The following ZNF726 variants were observed in gnomAD, a reference collection of about 807,000 sequenced individuals.
ZNF726 encodes the protein zinc finger protein 726.
A neutral mutation model predicts 11.6 loss-of-function variants in ZNF726; 15 were observed. The observed-to-expected ratio is 1.29, with a 90% confidence interval of 0.86 to 1.99. ZNF726 has a LOEUF of 1.99. Ranked by LOEUF, ZNF726 falls within the 30% of genes most tolerant of loss-of-function variation. The pLI is 0.00. For missense variants in ZNF726, 890 were observed against 725.6 expected (o/e 1.23, Z -2.60); for synonymous variants, 295 against 243.6 (o/e 1.21, Z -1.96).
At chr19:23,939,861 GA>G (rs1314406294) in intron 3 of ZNF726, among the ~76,000 whole-genome samples, 1 of 80,142 alleles carries the variant, frequency 1.2e-5, no homozygotes, top group East Asian at 2.8e-4. Context: ...TTTTTGATGG[GA>G]TTTTTTTTTT....
At chr19:23,937,290 C>A (rs1968256985), downstream of ZNF726, among the ~76,000 whole-genome samples, 1 of 151,820 alleles carries the variant, frequency 6.6e-6, no homozygotes, top group African/African-American at 2.4e-5. Context: ...GGGCTGACCC[C>A]CCCACCTCCC....
chr19:23,933,479 T>A lies in ZNF726; in HGVS notation c.1363T>A (p.Cys455Ser), dbSNP rs767742213. 6.2e-7 allele frequency: 1 copy of A among 1,612,240 alleles called. No homozygotes were observed. Among genetic ancestry groups the A allele is most frequent in the East Asian group, 2.2e-5 (1 of 44,792 alleles). Reference protein sequence around the residue: ...KIHTREKPYKCEECSKAFSRS... With the variant: ...KIHTREKPYKSEECSKAFSRS... Reference sequence around the variant, plus strand: ...TCATACTAGAGAGAAACCCTACAAATGTGAAGAATGTAGTAAAGCATTTAG... The same window carrying A: ...TCATACTAGAGAGAAACCCTACAAAAGTGAAGAATGTAGTAAAGCATTTAG... The change falls in exon 4 of 4, where the codon TGT becomes AGT. Residue 455 changes from cysteine to serine, a missense_variant. By Grantham distance (112) the Cys-to-Ser change is moderately radical. Coordinates refer to ENST00000594466, the MANE Select transcript of ZNF726 (RefSeq NM_001244038.2).
At chr19:23,919,740 A>AAT in intron 2 of ZNF726, 1 of 497,238 alleles carries the variant, frequency 2.0e-6, no homozygotes, top group South Asian at 3.0e-5. Context: ...AGTGGCATAA[A>AAT]ATATTGTTAT....
In ZNF726 at chr19:23,934,471, C is replaced by G. The variant is rs983794865; in HGVS notation, c.*504C>G. ...TAATTCAAACTGGAAAGAAACCCTGCAAGTCTGAAGAATGTGGGAAATCTT... is the reference window on the plus strand; with the variant it reads ...TAATTCAAACTGGAAAGAAACCCTGGAAGTCTGAAGAATGTGGGAAATCTT... On this transcript the variant is annotated 3_prime_UTR_variant, in exon 4 of 4. Coordinates refer to ENST00000594466, the MANE Select transcript of ZNF726 (RefSeq NM_001244038.2). The G allele has an allele frequency of 6.9e-5, 27 of 392,764 alleles. No homozygotes were observed. The highest frequency in any genetic ancestry group is 4.5e-4 in the Middle Eastern group (1 of 2,206). 24.3% of individuals were successfully genotyped at this position (392,764 alleles called of 1,614,324 possible).
At chr19:23,921,939 GC>G (rs2144966359) in intron 3 of ZNF726, among the ~76,000 whole-genome samples, 1 of 152,282 alleles carries the variant, frequency 6.6e-6, no homozygotes, top group South Asian at 2.1e-4. Flanking sequence ...CAATAGTATT[GC>G]GTTGGTGTCT....
At chr19:23,921,232 G>T (rs930396993) in intron 3 of ZNF726, 1 of 152,280 alleles carries the variant, frequency 6.6e-6, no homozygotes, top group Admixed American at 6.5e-5. Context: ...GGAGCCAGAG[G>T]TTGCAATGAG....
rs1221409633 is a variant in ZNF726, at chr19:23,919,644, A to C, written c.130+145A>C. 6 of 1,078,514 alleles carry C rather than the reference A, an allele frequency of 5.6e-6. No homozygotes were observed. In the East Asian group the frequency reaches 9.4e-5, roughly 17 times the overall value. The allele number at this position is 1,078,514 out of a possible 1,614,324, so 66.8% of individuals were successfully genotyped here. ...TTGTCTGTTTAGAAAAAATTTCTTC[A>C]AGATGTTTCATCCTGACCTGAAATT... On this transcript the variant is annotated intron_variant, in intron 2 of 3. Transcript: ENST00000594466.
chr19:23,935,026 A>T (rs1363561877), downstream of ZNF726, among the ~76,000 whole-genome samples: 1 of 152,224 alleles, frequency 6.6e-6, no homozygotes, highest in Admixed American at 6.5e-5. Context: ...TGAGGGAGAG[A>T]TCTGGAGGCA....
At chr19:23,938,887 G>T (rs1318107785), downstream of ZNF726, among the ~76,000 whole-genome samples, 2 of 152,078 alleles carry the variant, frequency 1.3e-5, no homozygotes, top group Non-Finnish European at 2.9e-5. Flanking sequence ...GATTACAGGT[G>T]TGAGCCACCG....
intron 3 of ZNF726, among the ~76,000 whole-genome samples, chr19:23,925,030 G>T (rs1024818551): frequency 1.3e-5 from 2 of 152,020 alleles, no homozygotes; most frequent in Non-Finnish European, 2.9e-5. Context: ...GCTCTCTTTA[G>T]CCCTTGAGAA....
chr19:23,921,601 C>T (rs984526994), intron 3 of ZNF726: 1 of 151,938 alleles, frequency 6.6e-6, no homozygotes, highest in Non-Finnish European at 1.5e-5. Context: ...TTATGAGCTG[C>T]TTGGTTAAAT....
downstream of ZNF726, among the ~76,000 whole-genome samples, chr19:23,938,496 T>C (rs1465351648): frequency 2.0e-5 from 3 of 152,196 alleles, no homozygotes; most frequent in Non-Finnish European, 4.4e-5. Flanking sequence ...TATAACCTTT[T>C]GGCTTATGCT....
In ZNF726 at chr19:23,914,926, A is replaced by C; in HGVS notation, c.-69A>C. On this transcript the variant is annotated 5_prime_UTR_variant, in exon 1 of 4. Transcript: ENST00000594466. ...CGGAGCTCCAGGTCTCGTCCTCACT[A>C]CTCTGTGTCTTCTGCTTTTAGGGGC... is the stretch of plus-strand genomic sequence containing the variant. The C allele has an allele frequency of 6.2e-7, 1 of 1,609,328 alleles. No individual in the cohort carries two copies. Among genetic ancestry groups the C allele is most frequent in the Non-Finnish European group, 8.5e-7 (1 of 1,178,340 alleles).
At chr19:23,928,003 C>T (rs1968024971) in intron 3 of ZNF726, 1 of 152,108 alleles carries the variant, frequency 6.6e-6, no homozygotes, top group Non-Finnish European at 1.5e-5. Context: ...GTGTTTGGGT[C>T]ATGGGGGCAA....
chr19:23,915,717 A>G (rs746838822), intron 1 of ZNF726, among the ~76,000 whole-genome samples: 3 of 151,858 alleles, frequency 2.0e-5, no homozygotes, highest in South Asian at 2.1e-4. Flanking sequence ...AGTAGTTGGG[A>G]CTACAGGCGC....
chr19:23,923,953 T>C (rs1220584811), intron 3 of ZNF726: 1 of 152,306 alleles, frequency 6.6e-6, no homozygotes, highest in Non-Finnish European at 1.5e-5. Flanking sequence ...GAGCCATGTC[T>C]ATCACAGTCA....
At chr19:23,915,870 C>A (rs1967686381) in intron 1 of ZNF726, among the ~76,000 whole-genome samples, 1 of 152,208 alleles carries the variant, frequency 6.6e-6, no homozygotes, top group African/African-American at 2.4e-5. Flanking sequence ...GCGTGAGCCA[C>A]TGCCCCCGTC....
chr19:23,930,819 T>C (rs1968087488), intron 3 of ZNF726, among the ~76,000 whole-genome samples: 1 of 152,200 alleles, frequency 6.6e-6, no homozygotes, highest in Non-Finnish European at 1.5e-5. Flanking sequence ...TTATTTTTGC[T>C]TGTCTAAAAA....
At chr19:23,935,163 T>C, downstream of ZNF726, 1 of 389,168 alleles carries the variant, frequency 2.6e-6, no homozygotes, top group Non-Finnish European at 5.2e-6. Flanking sequence ...AATCCCCACA[T>C]GTTGTGGGGA....
Sources: allele counts gnomAD v4.1 joint callset (sites outside exome capture counted in the v4.1 genomes callset), GRCh38; gene constraint gnomAD v4.1.1; transcripts MANE v1.5; gene names NCBI Gene and HGNC (gene_info 2026-07-23, HGNC 2026-07-21).